The following SPINK6 variants were observed in gnomAD, a reference collection of about 807,000 sequenced individuals.
SPINK6 encodes the protein serine protease inhibitor Kazal-type 6.
SPINK6 carries 13 observed loss-of-function variants against 11.7 expected under a neutral mutation model. The observed-to-expected ratio is 1.11, with a 90% CI of 0.72 to 1.76. SPINK6 has a LOEUF of 1.76. Ranked by LOEUF, SPINK6 falls within the 40% of genes most tolerant of loss-of-function variation. SPINK6 has a pLI of 0.00. For synonymous variants in SPINK6, 21 were observed against 31.9 expected (o/e 0.66, Z 1.15); for missense variants, 98 against 93.7 (o/e 1.05, Z -0.19).
At chr5:148,204,785 G>T (rs1755476546) in intron 1 of SPINK6, among the ~76,000 whole-genome samples, 1 of 152,100 alleles carries the variant, frequency 6.6e-6, no homozygotes, top group Non-Finnish European at 1.5e-5. Context: ...CCGTCATTGT[G>T]AATATTAATC....
chr5:148,212,003 T>C (rs942884798), intron 2 of SPINK6, among the ~76,000 whole-genome samples: 4 of 152,174 alleles, frequency 2.6e-5, no homozygotes, highest in Non-Finnish European at 5.9e-5. Flanking sequence ...CACACAGATA[T>C]ATTTGGAGGG....
chr5:148,207,704 C>A (rs986042484), intron 2 of SPINK6, among the ~76,000 whole-genome samples: 2 of 152,102 alleles, frequency 1.3e-5, no homozygotes, highest in African/African-American at 4.8e-5. Flanking sequence ...GGTGGAGTAC[C>A]TGCAGTCCCA....
At chr5:148,208,072 G>A (rs943793028) in intron 2 of SPINK6, among the ~76,000 whole-genome samples, 3 of 152,170 alleles carry the variant, frequency 2.0e-5, no homozygotes, top group Non-Finnish European at 2.9e-5. Flanking sequence ...TGGCTCTGGA[G>A]TCAGATAATA....
chr5:148,212,853 AAT>A (rs764696431), intron 2 of SPINK6, among the ~76,000 whole-genome samples: 205 of 141,338 alleles, frequency 1.5e-3, no homozygotes, highest in Middle Eastern at 4.0e-3. Context: ...TTAGTATATA[AAT>A]ATATATTTAT....
At position 148,213,626 on chromosome 5, in the gene SPINK6, C is replaced by T. The variant is rs186188336; in HGVS notation, c.82-284C>T. ...TAATGTTGGAGCAAAAAGTTTTACC[C>T]ATATAGCATTTGACTACATCATTAA... On this transcript the variant is annotated intron_variant, in intron 2 of 3. Transcript: ENST00000325630. 1.3e-3 allele frequency among the ~76,000 whole-genome samples: 194 copies of T among 152,198 alleles called. 1 individual carries two copies. The highest frequency in any genetic ancestry group is 0.012 in the Admixed American group (183 of 15,282).
At chr5:148,213,784 T>C (rs746736718) in intron 2 of SPINK6, 126 bp from the exon 3 acceptor site, 1 of 597,106 alleles carries the variant, frequency 1.7e-6, no homozygotes, top group Non-Finnish European at 3.0e-6. Context: ...CTATTTTATA[T>C]TTCAGAATGC....
rs1450320913 is a variant in SPINK6, at chr5:148,210,336, A to ATG, written c.82-3573_82-3572insGT. On this transcript the variant is annotated intron_variant, in intron 2 of 3. Coordinates refer to ENST00000325630, the MANE Select transcript of SPINK6 (RefSeq NM_205841.4). ...TATATGTATGTGTTTCTGCATACAT[A>ATG]TATATGTGTTTCTGCATACATATAT... 8.1e-3 allele frequency among the ~76,000 whole-genome samples: 112 copies of ATG among 13,822 alleles called. 30 individuals are homozygous for ATG. Among genetic ancestry groups the ATG allele is most frequent in the African/African-American group, 0.031 (100 of 3,240 alleles). 9.1% of individuals were successfully genotyped at this position (13,822 alleles called of 152,430 possible).
Position 148,215,058 on chromosome 5 carries a change from C to A in SPINK6, c.*108C>A. The A allele has an allele frequency of 1.9e-6, 2 of 1,063,866 alleles. No homozygotes were observed. Among genetic ancestry groups the A allele is most frequent in the Non-Finnish European group, 1.4e-6 (1 of 697,906 alleles). 65.9% of individuals were successfully genotyped at this position (1,063,866 alleles called of 1,614,324 possible). A position where few individuals can be genotyped will look rare whatever the true frequency, so the allele number is the denominator to read the frequency against. ...CCTTTAATTCATAAAGACATACCTACTCTGCCTGGGTCTTGAGGAGTTCAA... is the reference window on the plus strand; with the variant it reads ...CCTTTAATTCATAAAGACATACCTAATCTGCCTGGGTCTTGAGGAGTTCAA... On this transcript the variant is annotated 3_prime_UTR_variant, in exon 4 of 4. Coordinates refer to ENST00000325630, the MANE Select transcript of SPINK6 (RefSeq NM_205841.4).
chr5:148,209,328 G>A (rs1755539088), intron 2 of SPINK6, among the ~76,000 whole-genome samples: 1 of 152,162 alleles, frequency 6.6e-6, no homozygotes, highest in African/African-American at 2.4e-5. Context: ...ACTCCATCTG[G>A]AGTGAGCTTT....
At chr5:148,208,796 TAA>T (rs1412361891) in intron 2 of SPINK6, among the ~76,000 whole-genome samples, 1 of 152,238 alleles carries the variant, frequency 6.6e-6, no homozygotes, top group African/African-American at 2.4e-5. Flanking sequence ...CCAAAATGTT[TAA>T]AAGACACATT....
Position 148,209,122 on chromosome 5 carries a change from T to C in SPINK6, c.81+3064T>C, listed in dbSNP as rs1755536287. Among the ~76,000 whole-genome samples the C allele has an allele frequency of 2.6e-5, 4 of 152,182 alleles. No individual in the cohort carries two copies. The South Asian group carries it at 8.3e-4, about 32-fold the overall frequency. On this transcript the variant is annotated intron_variant, in intron 2 of 3. Transcript: ENST00000325630. The stretch of plus-strand genomic sequence containing the variant: ...TCCATGACTCTAATGAGTTTGAAGT[T>C]TTTCATTTTTCCTAATTAGCTTGAT...
At chr5:148,210,011 TATGTACGC>T (rs1029752506) in intron 2 of SPINK6, among the ~76,000 whole-genome samples, 1 of 150,970 alleles carries the variant, frequency 6.6e-6, no homozygotes, top group African/African-American at 2.4e-5. Flanking sequence ...TGTATACATG[TATGTACGC>T]ATGTACGCAT....
chr5:148,210,008 A>ATACACACGTACGTATGTC lies in SPINK6; in HGVS notation c.82-3901_82-3900insACACACGTACGTATGTCT, dbSNP rs1755558618. On this transcript the variant is annotated intron_variant, in intron 2 of 3. Coordinates refer to ENST00000325630, the MANE Select transcript of SPINK6 (RefSeq NM_205841.4). ...TGTATACATATACACGTATGTATAC[A>ATACACACGTACGTATGTC]TGTATGTACGCATGTACGCATGCAC... is the stretch of plus-strand genomic sequence containing the variant. 6.7e-5 allele frequency among the ~76,000 whole-genome samples: 9 copies of ATACACACGTACGTATGTC among 133,478 alleles called. 3 individuals are homozygous for ATACACACGTACGTATGTC. The South Asian group carries it at 1.0e-3, about 15-fold the overall frequency. The allele number at this position is 133,478 out of a possible 152,430, so 87.6% of individuals were successfully genotyped here.
rs891137821 is a variant in SPINK6, at chr5:148,206,167, G to A, written c.81+109G>A. ...TTAACAGAGCAAAAACAATGAGCAG[G>A]CAAACCTTATGCAGACATCAGCAGA... On this transcript the variant is annotated intron_variant, in intron 2 of 3. Transcript: ENST00000325630. 10 of 1,146,050 alleles carry A rather than the reference G, an allele frequency of 8.7e-6. No homozygotes were observed. The Admixed American group carries it at 1.6e-4, about 18-fold the overall frequency. 71.0% of individuals were successfully genotyped at this position (1,146,050 alleles called of 1,614,324 possible). A position where few individuals can be genotyped will look rare whatever the true frequency, so the allele number is the denominator to read the frequency against.
At chr5:148,208,656 T>C (rs1316193957) in intron 2 of SPINK6, among the ~76,000 whole-genome samples, 1 of 152,224 alleles carries the variant, frequency 6.6e-6, no homozygotes, top group Non-Finnish European at 1.5e-5. Flanking sequence ...TAAATGTAAA[T>C]GACTAATATG....
rs571242108 is a variant in SPINK6 at position 148,208,491 on chromosome 5, TTCTC to T, written c.81+2435_81+2438del. Among the ~76,000 whole-genome samples the T allele has an allele frequency of 2.3e-4, 35 of 152,290 alleles. No homozygotes were observed. The South Asian group carries it at 6.0e-3, about 26-fold the overall frequency. ...GAAGTAATTCTTCTCATGCCAAGAATTCTCTACATGATGAGACAACTGATGGGAA... is the reference window on the plus strand; with the variant it reads ...GAAGTAATTCTTCTCATGCCAAGAATTACATGATGAGACAACTGATGGGAA... On this transcript the variant is annotated intron_variant, in intron 2 of 3. Transcript: ENST00000325630.
intron 2 of SPINK6, among the ~76,000 whole-genome samples, chr5:148,213,283 C>T (rs1755637683): frequency 6.6e-6 from 1 of 152,014 alleles, no homozygotes; most frequent in Non-Finnish European, 1.5e-5. Context: ...GCGATCTGGG[C>T]TCACTGCAAG....
At chr5:148,204,072 G>A (rs17096693) in intron 1 of SPINK6, among the ~76,000 whole-genome samples, 70,241 of 151,746 alleles carry the variant, frequency 0.46, 16,978 homozygotes, top group East Asian at 0.72. Context: ...CATATCTTAT[G>A]TATCATTTTG....
intron 1 of SPINK6, among the ~76,000 whole-genome samples, chr5:148,203,702 T>C (rs1755463135): frequency 6.6e-6 from 1 of 152,180 alleles, no homozygotes; most frequent in Non-Finnish European, 1.5e-5. Context: ...GAGAAAAATC[T>C]TTGAAAATAT....
Sources: allele counts gnomAD v4.1 joint callset (sites outside exome capture counted in the v4.1 genomes callset), GRCh38; gene constraint gnomAD v4.1.1; transcripts MANE v1.5; gene names NCBI Gene and HGNC (gene_info 2026-07-23, HGNC 2026-07-21).